HECTD4: variants seen among roughly 807,000 people sequenced by gnomAD.
The protein encoded by HECTD4 is probable E3 ubiquitin-protein ligase HECTD4.
HECTD4 carries 114 observed loss-of-function variants against 471.5 expected under a neutral mutation model. That is an observed-to-expected ratio of 0.24 (90% confidence interval 0.21 to 0.28). The LOEUF (loss-of-function observed/expected upper bound fraction) is 0.28, where lower values mean the gene tolerates loss of function less well. Among genes scored for constraint, HECTD4 ranks in the 10% least tolerant of loss-of-function variants. HECTD4 has a pLI of 1.00. For missense variants in HECTD4, 3,866 were observed against 5,651.5 expected, an observed-to-expected ratio of 0.68 and a Z score of 10.13; for synonymous variants, 2,012 against 2,256.0, an observed-to-expected ratio of 0.89 and a Z score of 3.07.
At chr12:112,261,181 C>T in intron 18 of HECTD4, 124 bp downstream of exon 18, 4 of 1,071,294 alleles carry the variant, frequency 3.7e-6, no homozygotes, top group Non-Finnish European at 5.0e-6. Flanking sequence ...GCCCTTTTAG[C>T]CTATTCTCAC....
At chr12:112,252,027 C>A (rs1303023827) in intron 23 of HECTD4, among the ~76,000 whole-genome samples, 1 of 152,198 alleles carries the variant, frequency 6.6e-6, no homozygotes, top group Non-Finnish European at 1.5e-5. Flanking sequence ...CTGCCTCAGC[C>A]TCCCAAAGTG....
At chr12:112,221,595 AAAG>A (rs752402921) in intron 44 of HECTD4, among the ~76,000 whole-genome samples, 3 of 152,156 alleles carry the variant, frequency 2.0e-5, no homozygotes, top group Non-Finnish European at 2.9e-5. Flanking sequence ...GTGAAGGGAC[AAAG>A]AAGAGGCATT....
intron 18 of HECTD4, among the ~76,000 whole-genome samples, chr12:112,260,640 G>T (rs2034124374): frequency 6.6e-6 from 1 of 151,282 alleles, no homozygotes; most frequent in Non-Finnish European, 1.5e-5. Flanking sequence ...GCAGTGGGAT[G>T]ATCTCGGCTC....
chr12:112,264,362 A>C (rs1333315586), intron 16 of HECTD4, 150 bp from the exon 17 acceptor site: 4 of 651,652 alleles, frequency 6.1e-6, no homozygotes, highest in Non-Finnish European at 9.6e-6. Context: ...CCTTATTTCC[A>C]CATGGCTTTC....
chr12:112,379,582 T>C (rs890017558), intron 1 of HECTD4, among the ~76,000 whole-genome samples: 2 of 151,936 alleles, frequency 1.3e-5, no homozygotes, highest in African/African-American at 4.8e-5. Context: ...TAATCCCAGC[T>C]ACTTGGGAGG....
Position 112,323,949 on chromosome 12 carries a change from TCTTTCTTTCTTTCTTTCTTC to T in HECTD4, c.178-4227_178-4208del, listed in dbSNP as rs1362787724. Among the ~76,000 whole-genome samples the T allele has an allele frequency of 1.4e-4, 6 of 43,340 alleles. 1 individual carries two copies. The highest frequency in any genetic ancestry group is 2.4e-4 in the Admixed American group (1 of 4,084). 28.4% of individuals were successfully genotyped at this position (43,340 alleles called of 152,430 possible). A position where few individuals can be genotyped will look rare whatever the true frequency, so the allele number is the denominator to read the frequency against. Reference sequence around the variant, plus strand: ...TAGAGGTATTTTTTACTGAGGTGCTTCTTTCTTTCTTTCTTTCTTCCTTCCTTCCTTCCTTCCTTCCTTCC... The same window carrying T: ...TAGAGGTATTTTTTACTGAGGTGCTTCTTCCTTCCTTCCTTCCTTCCTTCC... On this transcript the variant is annotated intron_variant, in intron 1 of 75. Transcript: ENST00000682272.
intron 44 of HECTD4, among the ~76,000 whole-genome samples, chr12:112,220,288 G>A (rs2033051102): frequency 6.6e-6 from 1 of 152,048 alleles, no homozygotes; most frequent in Non-Finnish European, 1.5e-5. Flanking sequence ...AAGTGTTGGA[G>A]AACACAAAGA....
At chr12:112,305,481 A>G (rs1442690488) in intron 7 of HECTD4, among the ~76,000 whole-genome samples, 1 of 152,010 alleles carries the variant, frequency 6.6e-6, no homozygotes, top group Non-Finnish European at 1.5e-5. Context: ...TTCCTTCACT[A>G]ATTACGATTA....
chr12:112,252,335 G>T, intron 23 of HECTD4, 89 bp downstream of exon 23: 2 of 1,312,524 alleles, frequency 1.5e-6, no homozygotes, highest in Non-Finnish European at 2.0e-6. Context: ...CTCATATTCT[G>T]CCCTGTTTCC....
chr12:112,264,673 A>T (rs1005099736), intron 16 of HECTD4, among the ~76,000 whole-genome samples: 2 of 152,254 alleles, frequency 1.3e-5, no homozygotes, highest in African/African-American at 4.8e-5. Context: ...CAAGCAATTT[A>T]AGCAGGGGGA....
In HECTD4 at chr12:112,243,304, G is replaced by T; in HGVS notation, c.4958+49C>A. ...GGTCCCAAGAATAATCTTTTGAATG[G>T]CTCTGACCATTCTAGAAAGGACAGT... On this transcript the variant is annotated intron_variant, in intron 32 of 75. Transcript: ENST00000682272. The surrounding 1 kb of genome is among the most constrained non-coding windows in gnomAD (Gnocchi z 6.6). The T allele has an allele frequency of 6.6e-7, 1 of 1,525,606 alleles. No individual in the cohort carries two copies. Among genetic ancestry groups the T allele is most frequent in the Non-Finnish European group, 9.0e-7 (1 of 1,113,422 alleles). The allele number at this position is 1,525,606 out of a possible 1,614,324, so 94.5% of individuals were successfully genotyped here.
At chr12:112,372,526 C>T (rs940476179) in intron 1 of HECTD4, among the ~76,000 whole-genome samples, 6 of 152,100 alleles carry the variant, frequency 3.9e-5, no homozygotes, top group South Asian at 2.1e-4. Context: ...TCGTGTGATC[C>T]GCCCACCTCT....
In HECTD4 at chr12:112,231,583, G is replaced by C. The variant is rs1468979891; in HGVS notation, c.6130C>G (p.Leu2044Val). The part of the protein sequence containing the change: ...ESINPETVSG[L>V]STGDKKKTAQ... ...GTTTTCTTTTTGTCGCCTGTGGATA[G>C]TCCACTCACAGTCTCTGGGTTGATA... Residue 2044 changes from leucine (L) to valine (V), a missense_variant, in exon 39 of 76, where the codon CTA becomes GTA. Leu to Val is a conservative substitution (Grantham distance 32). Around this residue, in one of 16 missense-constraint regions of HECTD4, gnomAD observed 617 missense variants for 915.1 expected, o/e 0.67. Coordinates refer to ENST00000682272, the MANE Select transcript of HECTD4 (RefSeq NM_001388303.1). 2.5e-6 allele frequency: 4 copies of C among 1,613,894 alleles called. No individual in the cohort carries two copies. The highest frequency in any genetic ancestry group is 1.7e-5 in the Admixed American group (1 of 60,006).
intron 1 of HECTD4, among the ~76,000 whole-genome samples, chr12:112,342,193 C>T (rs1261687259): frequency 2.0e-5 from 3 of 152,226 alleles, no homozygotes; most frequent in Non-Finnish European, 2.9e-5. Context: ...TGGTGGCTCA[C>T]ACCTGTAATC....
Position 112,219,415 on chromosome 12 carries a change from G to T in HECTD4, c.7045C>A (p.Pro2349Thr). The change falls in exon 45 of 76, where the codon CCA (proline) becomes ACA (threonine). Residue 2349 changes from proline (P) to threonine (T), a missense_variant. Around this residue, in one of 16 missense-constraint regions of HECTD4, gnomAD observed 617 missense variants for 915.1 expected, o/e 0.67. Transcript: ENST00000682272. ...MLYRDCARPP[P>T]PPLQADRRQP... is the part of the protein sequence containing the mutation. Reference sequence around the variant, plus strand: ...CTTCGGTCAGCCTGCAAAGGAGGTGGTGGGGGCCGAGCACAGTCCCGGTAG... The same window carrying T: ...CTTCGGTCAGCCTGCAAAGGAGGTGTTGGGGGCCGAGCACAGTCCCGGTAG... 6.2e-7 allele frequency: 1 copy of T among 1,613,760 alleles called. No individual in the cohort carries two copies. Among genetic ancestry groups the T allele is most frequent in the South Asian group, 1.1e-5 (1 of 90,988 alleles).
At chr12:112,367,704 C>A (rs1448763937) in intron 1 of HECTD4, among the ~76,000 whole-genome samples, 1 of 150,928 alleles carries the variant, frequency 6.6e-6, no homozygotes, top group Non-Finnish European at 1.5e-5. Context: ...ACCTGTAATC[C>A]CAGTTACTTG....
chr12:112,183,596 A>G (rs1267867002), intron 61 of HECTD4, among the ~76,000 whole-genome samples: 3 of 152,226 alleles, frequency 2.0e-5, no homozygotes, highest in East Asian at 1.9e-4. Context: ...AAGTGATTCT[A>G]GGAAAGAAAC....
Position 112,235,305 on chromosome 12 carries a change from G to A in HECTD4, c.5726-39C>T, listed in dbSNP as rs775291813. On this transcript the variant is annotated intron_variant, in intron 36 of 75. Coordinates refer to ENST00000682272, the MANE Select transcript of HECTD4 (RefSeq NM_001388303.1). The surrounding 1 kb of genome is among the most constrained non-coding windows in gnomAD (Gnocchi z 5.0). ...ACAAAGCTCATTCAGGAAAACTGCA[G>A]TGTTGTTTTGGCGGCTCTGCTAAAA... 41 of 1,581,568 alleles carry A rather than the reference G, an allele frequency of 2.6e-5. No homozygotes were observed. The highest frequency in any genetic ancestry group is 3.2e-5 in the Non-Finnish European group (37 of 1,163,752).
chr12:112,367,098 A>G (rs1594079257), intron 1 of HECTD4, among the ~76,000 whole-genome samples: 1 of 150,038 alleles, frequency 6.7e-6, no homozygotes. Flanking sequence ...GGTCAGGAGT[A>G]CGAGACCCGT....
Sources: gnomAD v4.1 joint callset for allele counts (sites outside exome capture counted in the v4.1 genomes callset) on GRCh38, gnomAD v4.1.1 for gene constraint, gnomAD v4.1.1 regional missense constraint, Gnocchi (gnomAD v3.1) non-coding constraint, MANE v1.5 for transcripts, NCBI Gene and HGNC (gene_info 2026-07-23, HGNC 2026-07-21) for gene names.